Variants in ZBTB16 observed in about 807,000 individuals in gnomAD.
ZBTB16 encodes the protein zinc finger and BTB domain containing 16.
A neutral mutation model predicts 56.8 loss-of-function variants in ZBTB16; 8 were observed. The observed-to-expected ratio is 0.14, with a 90% CI of 0.08 to 0.25. ZBTB16 has a LOEUF of 0.25. ZBTB16 is among the 10% of genes least tolerant of loss of function. The pLI is 1.00. For synonymous variants in ZBTB16, 363 were observed against 368.5 expected (o/e 0.98, Z 0.17); for missense variants, 625 against 903.0 (o/e 0.69, Z 3.95).
chr11:114,205,958 C>T (rs1358664840), intron 4 of ZBTB16, among the ~76,000 whole-genome samples: 1 of 152,128 alleles, frequency 6.6e-6, no homozygotes, highest in Non-Finnish European at 1.5e-5. Context: ...TGTCTCCAGA[C>T]AAGTGGTCTA....
chr11:114,079,693 T>G (rs1939692017), intron 2 of ZBTB16, among the ~76,000 whole-genome samples: 1 of 152,186 alleles, frequency 6.6e-6, no homozygotes, highest in Non-Finnish European at 1.5e-5. Context: ...TTGACTATAG[T>G]GAGTGATAAG....
intron 2 of ZBTB16, among the ~76,000 whole-genome samples, chr11:114,104,694 C>G (rs1236120869): frequency 6.6e-6 from 1 of 152,206 alleles, no homozygotes; most frequent in Admixed American, 6.5e-5. Flanking sequence ...GAACAACTCA[C>G]CACAGGACTC....
intron 4 of ZBTB16, chr11:114,237,128 A>C (rs1231359786): frequency 6.6e-6 from 1 of 152,202 alleles, no homozygotes; most frequent in African/African-American, 2.4e-5. Flanking sequence ...CTCTGTACTC[A>C]CCATAAATAT....
At chr11:114,157,360 T>G (rs1942442940) in intron 3 of ZBTB16, among the ~76,000 whole-genome samples, 1 of 152,394 alleles carries the variant, frequency 6.6e-6, no homozygotes, top group East Asian at 1.9e-4. Context: ...CCTCAGTTTC[T>G]GCATCTGTCA....
At position 114,148,457 on chromosome 11, in the gene ZBTB16, G is replaced by GTC. The variant is rs1282315613; in HGVS notation, c.1269-7866_1269-7865dup. ...TCTCTTTCTCTCTCTCTGTCTGTCT[G>GTC]TCTCTCTCTCTCTCTTTCTTTCTTT... On this transcript the variant is annotated intron_variant, in intron 2 of 6. Coordinates refer to ENST00000335953, the MANE Select transcript of ZBTB16 (RefSeq NM_006006.6). Among the ~76,000 whole-genome samples, 72 of 59,882 alleles carry GTC rather than the reference G, an allele frequency of 1.2e-3. 7 individuals carry two copies. Among genetic ancestry groups the GTC allele is most frequent in the Middle Eastern group, 0.011 (1 of 94 alleles). 39.3% of individuals were successfully genotyped at this position (59,882 alleles called of 152,430 possible). A position where few individuals can be genotyped will look rare whatever the true frequency, so the allele number is the denominator to read the frequency against.
chr11:114,148,597 G>A (rs1047336918), intron 2 of ZBTB16, among the ~76,000 whole-genome samples: 4 of 151,054 alleles, frequency 2.6e-5, no homozygotes, highest in Non-Finnish European at 4.4e-5. Flanking sequence ...GGGTTCAAGC[G>A]ATTCTCCTGC....
intron 4 of ZBTB16, among the ~76,000 whole-genome samples, chr11:114,224,023 A>C (rs556532761): frequency 1.3e-5 from 2 of 152,298 alleles, no homozygotes; most frequent in African/African-American, 2.4e-5. Context: ...CTTGAAAACC[A>C]TTTTAAGTAG....
intron 2 of ZBTB16, among the ~76,000 whole-genome samples, chr11:114,070,133 G>A (rs1384267443): frequency 1.8e-5 from 2 of 113,150 alleles, no homozygotes; most frequent in African/African-American, 3.5e-5. Flanking sequence ...ACGGAGTCTC[G>A]CTCTGTCGCC....
chr11:114,113,604 A>G (rs537238862), intron 2 of ZBTB16, among the ~76,000 whole-genome samples: 26 of 152,356 alleles, frequency 1.7e-4, no homozygotes, highest in African/African-American at 6.0e-4. Context: ...AGTAGGAGTA[A>G]GTAAAGATCT....
intron 4 of ZBTB16, among the ~76,000 whole-genome samples, chr11:114,234,567 A>G (rs540369712): frequency 6.6e-6 from 1 of 152,332 alleles, no homozygotes; most frequent in South Asian, 2.1e-4. Flanking sequence ...CCTGAAACTC[A>G]TGCCCAAGAG....
chr11:114,201,782 G>C (rs886923892), intron 4 of ZBTB16, among the ~76,000 whole-genome samples: 1 of 152,180 alleles, frequency 6.6e-6, no homozygotes, highest in African/African-American at 2.4e-5. Flanking sequence ...ATTATCTTTA[G>C]AAGTGGGATT....
chr11:114,180,919 G>C (rs371959513), intron 3 of ZBTB16: 11 of 152,372 alleles, frequency 7.2e-5, no homozygotes, highest in African/African-American at 2.6e-4. Context: ...CCAGGGGCTT[G>C]TCCAGAGAAG....
chr11:114,197,623 A>T (rs1943639200), intron 4 of ZBTB16, among the ~76,000 whole-genome samples: 1 of 151,936 alleles, frequency 6.6e-6, no homozygotes, highest in Admixed American at 6.6e-5. Context: ...TTCAGAGTAG[A>T]AAATGAAGTC....
At chr11:114,133,669 C>T (rs1227227475) in intron 2 of ZBTB16, among the ~76,000 whole-genome samples, 2 of 152,060 alleles carry the variant, frequency 1.3e-5, no homozygotes, top group Admixed American at 6.6e-5. Context: ...TGGTCTTGGC[C>T]CTGGTTTACT....
chr11:114,071,348 A>T, intron 2 of ZBTB16, among the ~76,000 whole-genome samples: 1 of 148,108 alleles, frequency 6.8e-6, no homozygotes. Context: ...CCTTTATTTT[A>T]TTTTCAATGG....
intron 4 of ZBTB16, among the ~76,000 whole-genome samples, chr11:114,202,508 A>G (rs1943759114): frequency 6.6e-6 from 1 of 152,152 alleles, no homozygotes; most frequent in African/African-American, 2.4e-5. Context: ...CCTCTCTCCA[A>G]TCTGTGTGTG....
At position 114,106,646 on chromosome 11, in the gene ZBTB16, A is replaced by T. The variant is rs186101572; in HGVS notation, c.1268+42078A>T. On this transcript the variant is annotated intron_variant, in intron 2 of 6. Transcript: ENST00000335953. ...CCACCATGCCTGGCTAATTTTTAAA[A>T]TTTTTTTAGTAGAGTTGGGGATTCA... Among the ~76,000 whole-genome samples, 1,158 of 151,748 alleles carry T rather than the reference A, an allele frequency of 7.6e-3. 21 individuals carry two copies. The highest frequency in any genetic ancestry group is 0.026 in the African/African-American group (1,075 of 41,394).
At chr11:114,249,919 G>A (rs1039038519) in intron 6 of ZBTB16, among the ~76,000 whole-genome samples, 3 of 151,962 alleles carry the variant, frequency 2.0e-5, no homozygotes, top group Middle Eastern at 3.2e-3. Flanking sequence ...CTCTCTGGAC[G>A]GAACTGTGGC....
rs1945022030 is a variant in ZBTB16 at position 114,256,661 on chromosome 11, A to C, written c.*6106A>C. ...CGTCTGTAGCAGCCAAGAGCTGTTA[A>C]GAAAGGAGATTGGAGCAGGTGGCCT... On this transcript the variant is annotated 3_prime_UTR_variant, in exon 7 of 7. Coordinates refer to ENST00000335953, the MANE Select transcript of ZBTB16 (RefSeq NM_006006.6). 6.6e-6 allele frequency among the ~76,000 whole-genome samples: 1 copy of C among 151,950 alleles called. No homozygotes were observed. Among genetic ancestry groups the C allele is most frequent in the African/African-American group, 2.4e-5 (1 of 41,436 alleles).
Sources: gnomAD v4.1 joint callset for allele counts (sites outside exome capture counted in the v4.1 genomes callset) on GRCh38, gnomAD v4.1.1 for gene constraint, MANE v1.5 for transcripts, NCBI Gene and HGNC (gene_info 2026-07-23, HGNC 2026-07-21) for gene names.